MAST1: variants seen among roughly 807,000 people sequenced by gnomAD.
The protein encoded by MAST1 is microtubule associated serine/threonine kinase 1, also known as microtubule-associated serine/threonine-protein kinase 1.
Under a neutral mutation model 124.6 loss-of-function variants are expected in MAST1, and 40 were observed. The observed-to-expected ratio is 0.32, with a 90% CI of 0.25 to 0.42. The LOEUF (loss-of-function observed/expected upper bound fraction) is 0.42, where lower values mean the gene tolerates loss of function less well. Ranked by LOEUF, MAST1 falls within the 10% of genes least tolerant of loss-of-function variation. The probability of loss-of-function intolerance (pLI) is 1.00; values close to 1 mark genes in which losing one functional copy is unlikely to be tolerated. For missense variants in MAST1, 1,558 were observed against 2,181.9 expected (o/e 0.71, Z 5.70); for synonymous variants, 938 against 939.4 (o/e 1.00, Z 0.03).
Position 12,852,016 on chromosome 19 carries a change from C to T in MAST1, c.857C>T (p.Ala286Val), listed in dbSNP as rs867377622. 6.2e-7 allele frequency: 1 copy of T among 1,614,038 alleles called. No homozygotes were observed. The highest frequency in any genetic ancestry group is 8.5e-7 in the Non-Finnish European group (1 of 1,180,022). Residue 286 changes from alanine to valine, a missense_variant, in exon 8 of 26, where the codon GCG becomes GTG. Coordinates refer to ENST00000251472, the MANE Select transcript of MAST1 (RefSeq NM_014975.3). ...KKLLIIISRPARLLECLEFNP... is the reference protein window; with the variant it reads ...KKLLIIISRPVRLLECLEFNP... ...TTGCTTATTATCATCTCACGCCCTG[C>T]GAGGCTGCTGGAGTGCCTGGTGAGG...
Position 12,866,011 on chromosome 19 carries a change from C to A in MAST1, c.1938C>A (p.Phe646Leu). The A allele has an allele frequency of 6.2e-7, 1 of 1,614,094 alleles. No individual in the cohort carries two copies. The highest frequency in any genetic ancestry group is 8.5e-7 in the Non-Finnish European group (1 of 1,180,022). ...GGAFEVKQHS[F>L]FRDLDWTGLL... ...CTTTTGAGGTGAAGCAGCACAGTTT[C>A]TTTCGAGACCTGGACTGGACAGGGC... The change falls in exon 17 of 26, where the codon TTC becomes TTA. Residue 646 changes from phenylalanine (F) to leucine (L), a missense_variant. By Grantham distance (22) the Phe-to-Leu change is conservative. Transcript: ENST00000251472. This position sits in a 1 kb window ranked among gnomAD's most constrained non-coding sequence, Gnocchi z 5.2.
At chr19:12,850,441 C>G (rs1056021067) in intron 7 of MAST1, among the ~76,000 whole-genome samples, 3 of 152,042 alleles carry the variant, frequency 2.0e-5, no homozygotes, top group African/African-American at 7.3e-5. Context: ...TTTCTTCCCC[C>G]AGAACATTAA....
chr19:12,867,804 T>C lies in MAST1; in HGVS notation c.2393T>C (p.Phe798Ser), dbSNP rs757059678. ...CCCCCTTTGGGCGCCCGCCGCCGTT[T>C]CTCGGCGCTGCTGGAGCCCAGCCGC... ...ASPPLGARRR[F>S]SALLEPSRFS... The change falls in exon 20 of 26, where the codon TTC becomes TCC. Residue 798 changes from phenylalanine to serine, a missense_variant. Phe to Ser is a radical substitution (Grantham distance 155, BLOSUM62 -2). Around this residue, in one of 10 missense-constraint regions of MAST1, gnomAD observed 287 missense variants for 308.0 expected, o/e 0.93. Transcript: ENST00000251472. 1 of 1,577,970 alleles carries C rather than the reference T, an allele frequency of 6.3e-7. No homozygotes were observed. The highest frequency in any genetic ancestry group is 1.1e-5 in the South Asian group (1 of 87,962).
intron 22 of MAST1, 118 bp from the exon 23 acceptor site, chr19:12,870,706 C>A: frequency 1.0e-6 from 1 of 990,098 alleles, no homozygotes; most frequent in East Asian, 2.7e-5. Context: ...ATAACTATTT[C>A]ACAAGGTGTT....
intron 10 of MAST1, among the ~76,000 whole-genome samples, chr19:12,853,484 AAG>A (rs145668282): frequency 0.017 from 2,615 of 152,008 alleles, 78 homozygotes; most frequent in African/African-American, 0.06. Flanking sequence ...TGAGCCCAGG[AAG>A]TCAAGGCTTC....
Position 12,874,810 on chromosome 19 carries a change from T to A in MAST1, c.4653T>A (p.Ala1551=), listed in dbSNP as rs1488202497. Reference sequence around the variant, plus strand: ...TGACCTCCCGGTGCCCTGCTGAAGCTGTGCCCCCAGCAGGCCTGACCAAAA... The same window carrying A: ...TGACCTCCCGGTGCCCTGCTGAAGCAGTGCCCCCAGCAGGCCTGACCAAAA... ...VGLTSRCPAE[A]VPPAGLTKKG... is the part of the protein sequence containing the mutation. Residue 1551 remains alanine, a synonymous_variant, in exon 26 of 26, where the codon GCT becomes GCA. Coordinates refer to ENST00000251472, the MANE Select transcript of MAST1 (RefSeq NM_014975.3). This position sits in a 1 kb window ranked among gnomAD's most constrained non-coding sequence, Gnocchi z 6.6. 6.3e-7 allele frequency: 1 copy of A among 1,599,698 alleles called. No individual in the cohort carries two copies. Among genetic ancestry groups the A allele is most frequent in the African/African-American group, 1.3e-5 (1 of 74,584 alleles).
rs568267180 is a variant in MAST1 at position 12,864,220 on chromosome 19, C to A, written c.1367-589C>A. Among the ~76,000 whole-genome samples the A allele has an allele frequency of 1.7e-3, 253 of 152,144 alleles. 1 individual carries two copies. The highest frequency in any genetic ancestry group is 5.9e-3 in the African/African-American group (246 of 41,512). ...GGGATTTCAGGCGTGAGCTACCATGCCCAGCCTTGAACAATTTTTTAAAAA... is the reference window on the plus strand; with the variant it reads ...GGGATTTCAGGCGTGAGCTACCATGACCAGCCTTGAACAATTTTTTAAAAA... On this transcript the variant is annotated intron_variant, in intron 12 of 25. Transcript: ENST00000251472.
chr19:12,848,852 G>A (rs1969928977), intron 7 of MAST1: 1 of 152,200 alleles, frequency 6.6e-6, no homozygotes, highest in African/African-American at 2.4e-5. Flanking sequence ...CAACTACTTG[G>A]GAGGCAGAGG....
chr19:12,861,234 T>C (rs1419958225), intron 12 of MAST1, among the ~76,000 whole-genome samples: 2 of 151,994 alleles, frequency 1.3e-5, no homozygotes, highest in South Asian at 2.1e-4. Flanking sequence ...AGCTGATTTT[T>C]GTATTTTTAG....
Position 12,840,515 on chromosome 19 carries a change from C to T in MAST1, c.153C>T (p.Ser51=). The T allele has an allele frequency of 6.2e-7, 1 of 1,613,922 alleles. No individual in the cohort carries two copies. Among genetic ancestry groups the T allele is most frequent in the Non-Finnish European group, 8.5e-7 (1 of 1,179,840 alleles). ...CACCCACGCTACCGAGACCCCACTC[C>T]CCGCTGCCAGGTCACCTAGGTGAGG... ...STSPTLPRPH[S]PLPGHLGSSP... The change falls in exon 2 of 26, where the codon TCC becomes TCT. Residue 51 remains serine, a synonymous_variant. Coordinates refer to ENST00000251472, the MANE Select transcript of MAST1 (RefSeq NM_014975.3).
At position 12,873,501 on chromosome 19, in the gene MAST1, C is replaced by G. The variant is rs751885260; in HGVS notation, c.3441C>G (p.Ser1147=). 2 of 1,603,770 alleles carry G rather than the reference C, an allele frequency of 1.2e-6. No individual in the cohort carries two copies. Among genetic ancestry groups the G allele is most frequent in the South Asian group, 1.1e-5 (1 of 90,964 alleles). The change falls in exon 25 of 26, where the codon TCC becomes TCG. Residue 1147 remains serine, a synonymous_variant. Coordinates refer to ENST00000251472, the MANE Select transcript of MAST1 (RefSeq NM_014975.3). ...ACAGCTACCGCTCCACGCCTGACTC[C>G]GCCTACCTAGGTATTACCTCCTGCA... ...PTHSYRSTPD[S]AYLGASSQSS... is the part of the protein sequence containing the mutation.
At chr19:12,856,878 A>G (rs1568410874) in intron 10 of MAST1, among the ~76,000 whole-genome samples, 1 of 152,170 alleles carries the variant, frequency 6.6e-6, no homozygotes, top group Non-Finnish European at 1.5e-5. Flanking sequence ...CAAAAGTAAA[A>G]TTGCTGAGTC....
chr19:12,843,507 G>T lies in MAST1; in HGVS notation c.249-22G>T. ...GGACCGCTGGGGCCTTGTGGCCTCT[G>T]AGCACCTTGGCTGGGTTCCAGGGCG... On this transcript the variant is annotated intron_variant, in intron 3 of 25. Coordinates refer to ENST00000251472, the MANE Select transcript of MAST1 (RefSeq NM_014975.3). This position sits in a 1 kb window ranked among gnomAD's most constrained non-coding sequence, Gnocchi z 4.9. The T allele has an allele frequency of 6.2e-7, 1 of 1,609,924 alleles. No homozygotes were observed. Among genetic ancestry groups the T allele is most frequent in the South Asian group, 1.1e-5 (1 of 90,898 alleles).
At chr19:12,859,954 AG>A (rs1053366792) in intron 12 of MAST1, among the ~76,000 whole-genome samples, 3 of 150,584 alleles carry the variant, frequency 2.0e-5, no homozygotes, top group Non-Finnish European at 2.9e-5. Flanking sequence ...GTCCTGCCTC[AG>A]CCTTCCAAAG....
chr19:12,874,541 G>C lies in MAST1; in HGVS notation c.4384G>C (p.Glu1462Gln). ...GGGCGCGGACTCCAAGGGGTTGCAG[G>C]AACCCGCACCCCTGGCGCCTTCCGT... ...PLGADSKGLQ[E>Q]PAPLAPSVPE... The change falls in exon 26 of 26, where the codon GAA (glutamate) becomes CAA (glutamine). Residue 1462 changes from glutamate to glutamine, a missense_variant. By Grantham distance (29) the Glu-to-Gln change is conservative (BLOSUM62 2). Around this residue, in one of 10 missense-constraint regions of MAST1, gnomAD observed 168 missense variants for 154.3 expected, o/e 1.09. Coordinates refer to ENST00000251472, the MANE Select transcript of MAST1 (RefSeq NM_014975.3). This position sits in a 1 kb window ranked among gnomAD's most constrained non-coding sequence, Gnocchi z 6.6. 6.6e-7 allele frequency: 1 copy of C among 1,517,880 alleles called. No individual in the cohort carries two copies. The highest frequency in any genetic ancestry group is 8.8e-7 in the Non-Finnish European group (1 of 1,137,248). The allele number at this position is 1,517,880 out of a possible 1,614,324, so 94.0% of individuals were successfully genotyped here.
chr19:12,862,580 C>A (rs1019508201), intron 12 of MAST1, among the ~76,000 whole-genome samples: 1 of 151,972 alleles, frequency 6.6e-6, no homozygotes, highest in African/African-American at 2.4e-5. Context: ...CCAAGGCAGG[C>A]AGAACACTTG....
In MAST1 at chr19:12,859,338, C is replaced by T. The variant is rs150409567; in HGVS notation, c.1366+599C>T. 1.8e-3 allele frequency among the ~76,000 whole-genome samples: 269 copies of T among 152,226 alleles called. 1 individual carries two copies. The highest frequency in any genetic ancestry group is 9.3e-3 in the East Asian group (48 of 5,184). On this transcript the variant is annotated intron_variant, in intron 12 of 25. Coordinates refer to ENST00000251472, the MANE Select transcript of MAST1 (RefSeq NM_014975.3). ...TAAGTGATCTGCCTGCCTGGGCCTC[C>T]CAAAGTGCTGGGATTACAGGCATGA...
In MAST1 at chr19:12,847,766, G is replaced by C; in HGVS notation, c.564+79G>C. ...TCGCCTTATCCCCGCGCGCCCCCTG[G>C]CGGCCTCGGTGCGCAGCGCAGGCTC... On this transcript the variant is annotated intron_variant, in intron 6 of 25. Transcript: ENST00000251472. The surrounding 1 kb of genome is among the most constrained non-coding windows in gnomAD (Gnocchi z 5.5). 1 of 1,585,572 alleles carries C rather than the reference G, an allele frequency of 6.3e-7. No individual in the cohort carries two copies. Among genetic ancestry groups the C allele is most frequent in the Non-Finnish European group, 8.6e-7 (1 of 1,162,974 alleles).
rs6511840 is a variant in MAST1 at position 12,843,906 on chromosome 19, C to T, written c.327+299C>T. 0.36 allele frequency among the ~76,000 whole-genome samples: 54,163 copies of T among 151,930 alleles called. 11,428 individuals carry two copies. Among genetic ancestry groups the T allele is most frequent in the East Asian group, 0.6 (3,075 of 5,164 alleles). ...GTCCCCACTATTTGGGAGGCTGAGA[C>T]GGGAGGATCGCTGGAGTCTGGGAGG... On this transcript the variant is annotated intron_variant, in intron 4 of 25. Coordinates refer to ENST00000251472, the MANE Select transcript of MAST1 (RefSeq NM_014975.3). The surrounding 1 kb of genome is among the most constrained non-coding windows in gnomAD (Gnocchi z 4.9).
Sources: allele counts gnomAD v4.1 joint callset (sites outside exome capture counted in the v4.1 genomes callset), GRCh38; gene constraint gnomAD v4.1.1; regional missense constraint gnomAD v4.1.1; non-coding constraint Gnocchi (gnomAD v3.1); transcripts MANE v1.5; gene names NCBI Gene and HGNC (gene_info 2026-07-23, HGNC 2026-07-21).